Variants in TSHZ3 observed in about 807,000 individuals in gnomAD.
TSHZ3 encodes the protein teashirt zinc finger homeobox 3, also known as teashirt homolog 3.
TSHZ3 carries 10 observed loss-of-function variants against 64.5 expected under a neutral mutation model. The observed-to-expected ratio is 0.16, with a 90% CI of 0.10 to 0.26. The LOEUF is 0.26. Among genes scored for constraint, TSHZ3 ranks in the 10% least tolerant of loss-of-function variants. The pLI, the probability that TSHZ3 is intolerant of heterozygous loss-of-function variation, is 1.00. For synonymous variants in TSHZ3, 608 were observed against 593.1 expected (o/e 1.03, Z -0.36); for missense variants, 1,242 against 1,421.7 (o/e 0.87, Z 2.03).
intron 3 of TSHZ3, among the ~76,000 whole-genome samples, chr19:31,236,356 A>T (rs1433787693): frequency 6.6e-6 from 1 of 152,076 alleles, no homozygotes; most frequent in African/African-American, 2.4e-5. Flanking sequence ...GTGATATCTC[A>T]TTGTGGTTTT....
chr19:31,260,076 GAGGGC>G (rs772640377), intron 1 of TSHZ3, among the ~76,000 whole-genome samples: 7 of 152,128 alleles, frequency 4.6e-5, no homozygotes, highest in Non-Finnish European at 1.0e-4. Context: ...TAATTGTTCA[GAGGGC>G]AGACATGGGC....
Position 31,276,662 on chromosome 19 carries a change from T to G in TSHZ3, c.3131A>C (p.Lys1044Thr), listed in dbSNP as rs1976238812. ...GCTGGCAAAGGTCCGATTGCAAAGT[T>G]TGCACTGATAGGAAGTCCCCAGGTC... ...EEDLGTSYQC[K>T]LCNRTFASKH... Residue 1044 changes from lysine to threonine, a missense_variant, in exon 2 of 2, where the codon AAA becomes ACA. Physicochemically the swap from Lys to Thr is moderately conservative, Grantham distance 78. Coordinates refer to ENST00000240587, the MANE Select transcript of TSHZ3 (RefSeq NM_020856.4). 1 of 1,613,590 alleles carries G rather than the reference T, an allele frequency of 6.2e-7. No homozygotes were observed. The highest frequency in any genetic ancestry group is 8.5e-7 in the Non-Finnish European group (1 of 1,179,552).
At chr19:31,226,658 C>T (rs1975466485) in intron 4 of TSHZ3, among the ~76,000 whole-genome samples, 1 of 152,100 alleles carries the variant, frequency 6.6e-6, no homozygotes, top group African/African-American at 2.4e-5. Flanking sequence ...TTCTTGCCTT[C>T]CATCTGAGCA....
downstream of TSHZ3, among the ~76,000 whole-genome samples, chr19:31,272,470 C>T (rs1189955093): frequency 2.0e-5 from 3 of 152,076 alleles, no homozygotes; most frequent in Admixed American, 2.0e-4. Context: ...TTTCCTTTTG[C>T]AGAATGAAAA....
At chr19:31,322,452 A>G (rs960436340) in intron 1 of TSHZ3, among the ~76,000 whole-genome samples, 2 of 151,228 alleles carry the variant, frequency 1.3e-5, no homozygotes, top group African/African-American at 4.9e-5. Context: ...ACTAGGTCTC[A>G]CTCTGACATC....
At chr19:31,156,949 G>A (rs150722466) in intron 5 of TSHZ3, among the ~76,000 whole-genome samples, 12 of 152,264 alleles carry the variant, frequency 7.9e-5, no homozygotes, top group African/African-American at 2.9e-4. Flanking sequence ...ATGTGACCAG[G>A]CCCAGGAGTC....
chr19:31,194,795 A>G (rs190938662), intron 5 of TSHZ3, among the ~76,000 whole-genome samples: 1 of 152,362 alleles, frequency 6.6e-6, no homozygotes, highest in East Asian at 1.9e-4. Flanking sequence ...GGAATTGAAA[A>G]CAACTATGAT....
At chr19:31,344,197 G>A (rs1190719224) in intron 1 of TSHZ3, among the ~76,000 whole-genome samples, 1 of 151,840 alleles carries the variant, frequency 6.6e-6, no homozygotes, top group Admixed American at 6.6e-5. Context: ...ACACACACAC[G>A]CACACACAGA....
At chr19:31,269,744 C>T (rs1362004234) in intron 1 of TSHZ3, among the ~76,000 whole-genome samples, 1 of 152,076 alleles carries the variant, frequency 6.6e-6, no homozygotes, top group Non-Finnish European at 1.5e-5. Context: ...AAAACTTAAC[C>T]CCCCCAAATT....
intron 6 of TSHZ3, among the ~76,000 whole-genome samples, chr19:31,153,978 G>T (rs1158133737): frequency 6.6e-6 from 1 of 152,224 alleles, no homozygotes; most frequent in Non-Finnish European, 1.5e-5. Flanking sequence ...CTTCACTCTT[G>T]TGTTTGACCA....
intron 1 of TSHZ3, among the ~76,000 whole-genome samples, chr19:31,298,442 G>T (rs573235719): frequency 6.6e-6 from 1 of 151,932 alleles, no homozygotes; most frequent in South Asian, 2.1e-4. Flanking sequence ...TAGAAGAGCC[G>T]ACTTCATGCT....
intron 5 of TSHZ3, among the ~76,000 whole-genome samples, chr19:31,176,977 C>T (rs1170339418): frequency 6.6e-6 from 1 of 152,162 alleles, no homozygotes; most frequent in Non-Finnish European, 1.5e-5. Flanking sequence ...CTGGCAGTAT[C>T]TACCATGTGT....
chr19:31,225,878 G>A (rs1975453156), intron 4 of TSHZ3, among the ~76,000 whole-genome samples: 1 of 152,120 alleles, frequency 6.6e-6, no homozygotes, highest in Non-Finnish European at 1.5e-5. Flanking sequence ...CGTAACCCCA[G>A]CACTTTGGGA....
chr19:31,201,231 C>T (rs1005413325), intron 5 of TSHZ3, among the ~76,000 whole-genome samples: 1 of 152,066 alleles, frequency 6.6e-6, no homozygotes, highest in African/African-American at 2.4e-5. Context: ...TTAAATTATT[C>T]TCTCACCCTG....
In TSHZ3 at chr19:31,277,339, G is replaced by A. The variant is rs1225573150; in HGVS notation, c.2454C>T (p.Ser818=). 4 of 1,613,818 alleles carry A rather than the reference G, an allele frequency of 2.5e-6. No homozygotes were observed. The highest frequency in any genetic ancestry group is 1.7e-5 in the Admixed American group (1 of 60,002). Residue 818 remains serine, a synonymous_variant, in exon 2 of 2, where the codon TCC becomes TCT. Transcript: ENST00000240587. This position sits in a 1 kb window ranked among gnomAD's most constrained non-coding sequence, Gnocchi z 4.5. ...TCTTTGCCGTTGTCACCGTGGATGA[G>A]GAGGTTGCCGGGGCTGTGGACGTGG... ...LSPTSTAPAT[S]SSTVTTAKTS...
Position 31,153,906 on chromosome 19 carries a change from C to T in TSHZ3, n.872-2162G>A, listed in dbSNP as rs947601083. Among the ~76,000 whole-genome samples the T allele has an allele frequency of 4.6e-5, 7 of 152,272 alleles. No individual in the cohort carries two copies. The East Asian group carries it at 9.6e-4, about 21-fold the overall frequency. ...TTGGCCCCAATTCTCAGCCTTAGCC[C>T]TGTGTTTAGAACTTTGCCTTATGAG... On this transcript the variant is annotated intron_variant and non_coding_transcript_variant, in intron 6 of 6. Coordinates refer to the TSHZ3 transcript ENST00000651361.
intron 1 of TSHZ3, among the ~76,000 whole-genome samples, chr19:31,285,419 G>A (rs1285421708): frequency 2.0e-5 from 3 of 151,098 alleles, no homozygotes; most frequent in Non-Finnish European, 4.4e-5. Context: ...GATTGAGGCT[G>A]CAGCGAGTTA....
intron 4 of TSHZ3, among the ~76,000 whole-genome samples, chr19:31,223,501 T>C (rs1423784460): frequency 6.6e-6 from 1 of 151,908 alleles, no homozygotes; most frequent in East Asian, 1.9e-4. Context: ...GTTCTGTGGA[T>C]TTTTTTTCCT....
At chr19:31,155,429 G>A (rs778908230) in intron 6 of TSHZ3, among the ~76,000 whole-genome samples, 5 of 152,146 alleles carry the variant, frequency 3.3e-5, no homozygotes, top group East Asian at 1.9e-4. Context: ...ACACAGCTTC[G>A]TTGTAGGAAA....
Sources: allele counts gnomAD v4.1 joint callset (sites outside exome capture counted in the v4.1 genomes callset), GRCh38; gene constraint gnomAD v4.1.1; non-coding constraint Gnocchi (gnomAD v3.1); transcripts MANE v1.5; gene names NCBI Gene and HGNC (gene_info 2026-07-23, HGNC 2026-07-21).